The following SLC24A2 variants were observed in gnomAD, a reference collection of about 807,000 sequenced individuals.
The protein encoded by SLC24A2 is solute carrier family 24 member 2.
A neutral mutation model predicts 62.0 loss-of-function variants in SLC24A2; 36 were observed. The ratio of observed to expected loss-of-function variants is 0.58; its 90% CI spans 0.44 to 0.77. The LOEUF is 0.77. Ranked by LOEUF, SLC24A2 falls within the 30% of genes least tolerant of loss-of-function variation. SLC24A2 has a pLI of 0.00. For synonymous variants in SLC24A2, 358 were observed against 294.0 expected, an observed-to-expected ratio of 1.22 and a Z score of -2.23; for missense variants, 846 against 817.9, an observed-to-expected ratio of 1.03 and a Z score of -0.42.
the SLC24A2 span, among the ~76,000 whole-genome samples, chr9:20,021,980 C>T: frequency 6.6e-6 from 1 of 152,166 alleles, no homozygotes; most frequent in African/African-American, 2.4e-5. Context: ...TAACAGTCTA[C>T]ACTCTTGCCT....
intron 2 of SLC24A2, among the ~76,000 whole-genome samples, chr9:19,714,601 C>A (rs1286566385): frequency 2.0e-5 from 3 of 152,108 alleles, no homozygotes; most frequent in African/African-American, 7.2e-5. Context: ...GGAGGAGAAG[C>A]ATTCCTTATG....
the SLC24A2 span, among the ~76,000 whole-genome samples, chr9:19,877,907 T>A: frequency 6.6e-6 from 1 of 152,198 alleles, no homozygotes; most frequent in East Asian, 1.9e-4. Context: ...TCATCCTTAT[T>A]TTCTTATTAC....
chr9:20,293,643 G>C, the SLC24A2 span, among the ~76,000 whole-genome samples: 3 of 152,234 alleles, frequency 2.0e-5, no homozygotes, highest in African/African-American at 7.2e-5. Flanking sequence ...CCTTCACTGG[G>C]CGGGGTTTCT....
At chr9:19,555,632 G>C (rs1437732273) in intron 7 of SLC24A2, among the ~76,000 whole-genome samples, 1 of 152,214 alleles carries the variant, frequency 6.6e-6, no homozygotes. Context: ...AGAAATTTTA[G>C]TGTAACTTTA....
At chr9:20,253,505 A>G in the SLC24A2 span, among the ~76,000 whole-genome samples, 1 of 152,220 alleles carries the variant, frequency 6.6e-6, no homozygotes, top group South Asian at 2.1e-4. Context: ...TTGTTTATCC[A>G]AGGCCAATGA....
intron 2 of SLC24A2, among the ~76,000 whole-genome samples, chr9:19,716,324 C>T (rs1471158489): frequency 6.6e-6 from 1 of 152,212 alleles, no homozygotes; most frequent in Non-Finnish European, 1.5e-5. Context: ...ATCCTGATTA[C>T]ATGACAATGA....
At chr9:19,809,571 T>C in the SLC24A2 span, among the ~76,000 whole-genome samples, 2 of 152,122 alleles carry the variant, frequency 1.3e-5, no homozygotes, top group Admixed American at 1.3e-4. Context: ...CATAGATGCC[T>C]GCAGTTGTGC....
At chr9:20,072,941 G>C in the SLC24A2 span, among the ~76,000 whole-genome samples, 3 of 152,196 alleles carry the variant, frequency 2.0e-5, no homozygotes, top group South Asian at 4.2e-4. Flanking sequence ...AAGCCACTAA[G>C]TTTGTGCTGA....
At chr9:19,693,331 C>G (rs1227662040) in intron 2 of SLC24A2, among the ~76,000 whole-genome samples, 1 of 152,138 alleles carries the variant, frequency 6.6e-6, no homozygotes, top group Non-Finnish European at 1.5e-5. Flanking sequence ...AACCAGGTCT[C>G]TGATCATTCA....
At chr9:20,083,050 G>A in the SLC24A2 span, among the ~76,000 whole-genome samples, 25 of 152,146 alleles carry the variant, frequency 1.6e-4, no homozygotes, top group African/African-American at 5.6e-4. Context: ...TACAGTGCCG[G>A]GGTCATTAAG....
the SLC24A2 span, among the ~76,000 whole-genome samples, chr9:19,969,455 C>A: frequency 6.6e-6 from 1 of 152,180 alleles, no homozygotes; most frequent in Non-Finnish European, 1.5e-5. Flanking sequence ...AAATTCCACA[C>A]TCCCTTTCTC....
In SLC24A2 at chr9:19,714,670, A is replaced by T. The variant is rs552981037; in HGVS notation, c.930+71267T>A. 1.6e-4 allele frequency among the ~76,000 whole-genome samples: 25 copies of T among 152,282 alleles called. No homozygotes were observed. In the East Asian group the frequency reaches 4.8e-3, roughly 29 times the overall value. On this transcript the variant is annotated intron_variant, in intron 2 of 10. Transcript: ENST00000341998. ...ATATCTATTTAAGATATACAACATG[A>T]TGTTATGAAATACATATATAGAGTA...
chr9:19,515,756 T>C lies in SLC24A2; in HGVS notation c.*397A>G, dbSNP rs557923865. On this transcript the variant is annotated 3_prime_UTR_variant, in exon 11 of 11. Coordinates refer to ENST00000341998, the MANE Select transcript of SLC24A2 (RefSeq NM_020344.4). ...ACAGGTATGTACTAATCTATAGGTA[T>C]GCAAGGAGAGGTATAGTACAGGAAC... 19 of 248,986 alleles carry C rather than the reference T, an allele frequency of 7.6e-5. No individual in the cohort carries two copies. The highest frequency in any genetic ancestry group is 3.7e-4 in the African/African-American group (17 of 45,580). The allele number at this position is 248,986 out of a possible 1,614,324, so 15.4% of individuals were successfully genotyped here. A position where few individuals can be genotyped will look rare whatever the true frequency, so the allele number is the denominator to read the frequency against.
the SLC24A2 span, among the ~76,000 whole-genome samples, chr9:20,063,782 A>T: frequency 6.6e-6 from 1 of 152,234 alleles, no homozygotes; most frequent in Non-Finnish European, 1.5e-5. Context: ...AGTGCTTGAC[A>T]TCATTAGTTA....
the SLC24A2 span, among the ~76,000 whole-genome samples, chr9:19,910,548 C>T: frequency 5.2e-3 from 792 of 152,154 alleles, 5 homozygotes; most frequent in Non-Finnish European, 9.5e-3. Context: ...ATTTTTGTCA[C>T]TGCCTTCATC....
intron 10 of SLC24A2, among the ~76,000 whole-genome samples, chr9:19,516,877 A>C (rs1234360179): frequency 6.6e-6 from 1 of 152,196 alleles, no homozygotes; most frequent in Non-Finnish European, 1.5e-5. Context: ...TAATAGTCTA[A>C]AGGCAAGTGA....
rs58241037 is a variant in SLC24A2 at position 19,762,793 on chromosome 9, C to CTTTTTT, written c.930+23138_930+23143dup. The stretch of plus-strand genomic sequence containing the variant: ...CTTAGGATTGTCTTGGCTATATGTG[C>CTTTTTT]TTTTTTTTTTTTTTTTTTGGTTCCA... On this transcript the variant is annotated intron_variant, in intron 2 of 10. Coordinates refer to ENST00000341998, the MANE Select transcript of SLC24A2 (RefSeq NM_020344.4). Among the ~76,000 whole-genome samples, 8 of 102,392 alleles carry CTTTTTT rather than the reference C, an allele frequency of 7.8e-5. 1 individual carries two copies. The highest frequency in any genetic ancestry group is 3.0e-4 in the East Asian group (1 of 3,356). The allele number at this position is 102,392 out of a possible 152,430, so 67.2% of individuals were successfully genotyped here.
At chr9:20,154,369 T>A in the SLC24A2 span, among the ~76,000 whole-genome samples, 1 of 151,814 alleles carries the variant, frequency 6.6e-6, no homozygotes, top group Non-Finnish European at 1.5e-5. Flanking sequence ...ATGGAGCACT[T>A]CATGTTGATT....
At chr9:19,576,656 G>T (rs1241142901) in intron 6 of SLC24A2, among the ~76,000 whole-genome samples, 1 of 152,228 alleles carries the variant, frequency 6.6e-6, no homozygotes, top group Non-Finnish European at 1.5e-5. Context: ...GAATGGAGAT[G>T]ACTAGTTAAG....
Sources: gnomAD v4.1 joint callset for allele counts (sites outside exome capture counted in the v4.1 genomes callset) on GRCh38, gnomAD v4.1.1 for gene constraint, MANE v1.5 for transcripts, NCBI Gene and HGNC (gene_info 2026-07-23, HGNC 2026-07-21) for gene names.